Variants in CREB5 observed in about 807,000 individuals in gnomAD.
CREB5 encodes cyclic AMP-responsive element-binding protein 5.
A neutral mutation model predicts 57.1 loss-of-function variants in CREB5; 19 were observed. That is an observed-to-expected ratio of 0.33 (90% CI 0.23 to 0.49). CREB5 has a LOEUF of 0.49. Ranked by LOEUF, CREB5 falls within the 20% of genes least tolerant of loss-of-function variation. The probability of loss-of-function intolerance (pLI) is 0.99; values close to 1 mark genes in which losing one functional copy is unlikely to be tolerated. For synonymous variants in CREB5, 238 were observed against 238.3 expected, an observed-to-expected ratio of 1.00 and a Z score of 0.01; for missense variants, 579 against 671.6, an observed-to-expected ratio of 0.86 and a Z score of 1.52.
upstream of CREB5, chr7:28,410,007 C>G (rs898247742): frequency 6.6e-6 from 3 of 452,798 alleles, no homozygotes; most frequent in African/African-American, 2.0e-5. Flanking sequence ...GCGGAACCCC[C>G]GGAGAAAGTT....
At chr7:28,415,753 G>A (rs983874731) in intron 1 of CREB5, among the ~76,000 whole-genome samples, 3 of 152,126 alleles carry the variant, frequency 2.0e-5, no homozygotes, top group Non-Finnish European at 4.4e-5. Flanking sequence ...TCTACTACCT[G>A]TCTTTTCTCT....
intron 5 of CREB5, among the ~76,000 whole-genome samples, chr7:28,702,878 G>A (rs1801933196): frequency 6.6e-6 from 1 of 152,146 alleles, no homozygotes; most frequent in South Asian, 2.1e-4. Flanking sequence ...CAACAAAAGA[G>A]CAGACGGCAA....
chr7:28,508,013 G>C (rs1050593018), intron 4 of CREB5, among the ~76,000 whole-genome samples: 2 of 152,284 alleles, frequency 1.3e-5, no homozygotes, highest in Admixed American at 1.3e-4. Flanking sequence ...TTTGTGAGCA[G>C]TGAGTGCAGA....
In CREB5 at chr7:28,370,903, T is replaced by A. The variant is rs148064836; in HGVS notation, c.-25+71462T>A. Among the ~76,000 whole-genome samples, 3 of 152,308 alleles carry A rather than the reference T, an allele frequency of 2.0e-5. No individual in the cohort carries two copies. In the East Asian group the frequency reaches 5.8e-4, roughly 29 times the overall value. On this transcript the variant is annotated intron_variant, in intron 1 of 9. Transcript: ENST00000396299. ...TCTGGTGGCAAGGAGAGGCATTTTG[T>A]GCAGGAAGCAGCAGTAAAAATGCAA...
chr7:28,619,439 T>C (rs1228525916), intron 5 of CREB5, among the ~76,000 whole-genome samples: 5 of 152,182 alleles, frequency 3.3e-5, no homozygotes, highest in Non-Finnish European at 7.3e-5. Context: ...AGAGTGGACT[T>C]TGAGAGCGCT....
At chr7:28,516,083 C>T (rs991874403) in intron 4 of CREB5, among the ~76,000 whole-genome samples, 37 of 151,756 alleles carry the variant, frequency 2.4e-4, no homozygotes, top group Non-Finnish European at 2.2e-4. Flanking sequence ...GGTTGGTGGC[C>T]CACACCTGTA....
chr7:28,798,994 T>C (rs1443036773), intron 7 of CREB5, among the ~76,000 whole-genome samples: 1 of 151,992 alleles, frequency 6.6e-6, no homozygotes, highest in Admixed American at 6.6e-5. Context: ...CCTAAGAGAG[T>C]GGAGTAGAAA....
chr7:28,537,788 A>G (rs1794024056), intron 4 of CREB5, among the ~76,000 whole-genome samples: 1 of 152,380 alleles, frequency 6.6e-6, no homozygotes, highest in Middle Eastern at 3.4e-3. Context: ...GAGTCAGTAC[A>G]TGCACATTCT....
intron 5 of CREB5, among the ~76,000 whole-genome samples, chr7:28,607,417 C>G: frequency 6.6e-6 from 1 of 152,148 alleles, no homozygotes; most frequent in Non-Finnish European, 1.5e-5. Flanking sequence ...ATGAGGCCTT[C>G]CAGGCACTGG....
intron 1 of CREB5, among the ~76,000 whole-genome samples, chr7:28,311,759 C>A (rs1021099365): frequency 6.6e-6 from 1 of 152,190 alleles, no homozygotes; most frequent in Admixed American, 6.5e-5. Context: ...CTCTGGACTT[C>A]CGTGGCTTGT....
intron 1 of CREB5, among the ~76,000 whole-genome samples, chr7:28,485,487 G>A (rs1311381343): frequency 6.6e-6 from 1 of 151,884 alleles, no homozygotes; most frequent in Non-Finnish European, 1.5e-5. Flanking sequence ...TTAGAGTGAA[G>A]TTTCGGTAAC....
intron 5 of CREB5, among the ~76,000 whole-genome samples, chr7:28,715,391 G>A (rs35445701): frequency 0.17 from 25,439 of 152,066 alleles, 2,708 homozygotes; most frequent in Middle Eastern, 0.25. Flanking sequence ...ATTGTTTCAA[G>A]GCACATGAAG....
At chr7:28,636,287 G>A (rs1420889447) in intron 5 of CREB5, among the ~76,000 whole-genome samples, 1 of 152,120 alleles carries the variant, frequency 6.6e-6, no homozygotes, top group African/African-American at 2.4e-5. Context: ...GGGGTGGGAG[G>A]GAGGAGGGAT....
At chr7:28,643,230 T>C (rs181208859) in intron 5 of CREB5, among the ~76,000 whole-genome samples, 73 of 152,302 alleles carry the variant, frequency 4.8e-4, no homozygotes, top group African/African-American at 1.7e-3. Flanking sequence ...GAGTCATAGA[T>C]CTGCCCCTGG....
rs1035490578 is a variant in CREB5, at chr7:28,577,156, A to G, written c.464+6619A>G. ...CCTTGGCTAAGCGCTCAGCTTCCCC[A>G]GGCCTGGTTTCCTTTACCTACATAT... is the stretch of plus-strand genomic sequence containing the variant. On this transcript the variant is annotated intron_variant, in intron 5 of 10. Transcript: ENST00000357727. 7.2e-5 allele frequency among the ~76,000 whole-genome samples: 11 copies of G among 152,314 alleles called. 1 individual carries two copies. Among genetic ancestry groups the G allele is most frequent in the South Asian group, 6.2e-4 (3 of 4,832 alleles).
intron 1 of CREB5, among the ~76,000 whole-genome samples, chr7:28,311,226 C>T (rs914156137): frequency 1.3e-5 from 2 of 151,896 alleles, no homozygotes; most frequent in South Asian, 4.2e-4. Flanking sequence ...TTTAAGGAGG[C>T]AATATAAACG....
intron 5 of CREB5, among the ~76,000 whole-genome samples, chr7:28,600,467 T>C (rs969671537): frequency 1.3e-5 from 2 of 152,192 alleles, no homozygotes; most frequent in Non-Finnish European, 2.9e-5. Flanking sequence ...AAACTCGCTG[T>C]AGCAGGCAAA....
chr7:28,624,617 C>T (rs1027546202), intron 5 of CREB5, among the ~76,000 whole-genome samples: 4 of 147,148 alleles, frequency 2.7e-5, no homozygotes, highest in African/African-American at 1.0e-4. Context: ...ACTTTGGTGT[C>T]TAAGTTGAAC....
At chr7:28,610,377 C>T (rs533129698) in intron 5 of CREB5, among the ~76,000 whole-genome samples, 4 of 152,252 alleles carry the variant, frequency 2.6e-5, no homozygotes, top group Admixed American at 6.5e-5. Context: ...ACACAACCAT[C>T]CTGAGTGACT....
Sources: allele counts gnomAD v4.1 joint callset (sites outside exome capture counted in the v4.1 genomes callset), GRCh38; gene constraint gnomAD v4.1.1; transcripts MANE v1.5; gene names NCBI Gene and HGNC (gene_info 2026-07-23, HGNC 2026-07-21).